The following FAM163A variants were observed in gnomAD, a reference collection of about 807,000 sequenced individuals.
FAM163A encodes the protein protein FAM163A.
In FAM163A, 7 loss-of-function variants were observed where a neutral mutation model predicts 12.0. The observed-to-expected ratio is 0.58, with a 90% confidence interval of 0.33 to 1.10. The LOEUF (loss-of-function observed/expected upper bound fraction) is 1.10. Ranked by LOEUF, FAM163A falls within the 50% of genes least tolerant of loss-of-function variation. The pLI, the probability that FAM163A is intolerant of heterozygous loss-of-function variation, is 0.03. For synonymous variants in FAM163A, 101 were observed against 91.0 expected (o/e 1.11, Z -0.62); for missense variants, 202 against 218.6 (o/e 0.92, Z 0.48).
intron 1 of FAM163A, among the ~76,000 whole-genome samples, chr1:179,797,418 C>T (rs1222793912): frequency 1.3e-5 from 2 of 151,994 alleles, no homozygotes; most frequent in Non-Finnish European, 2.9e-5. Context: ...ACTGCACTCA[C>T]GCCAGCCCAG....
At chr1:179,751,840 T>G (rs138002009) in intron 1 of FAM163A, among the ~76,000 whole-genome samples, 60 of 152,274 alleles carry the variant, frequency 3.9e-4, no homozygotes, top group African/African-American at 1.3e-3. Flanking sequence ...ACATCCTGTG[T>G]TCATAGATTG....
chr1:179,794,886 G>T (rs1456981323), intron 1 of FAM163A, among the ~76,000 whole-genome samples: 1 of 152,096 alleles, frequency 6.6e-6, no homozygotes, highest in East Asian at 1.9e-4. Flanking sequence ...AAGGAAATGG[G>T]AATTCAAAGA....
At chr1:179,776,664 T>G (rs1490198036) in intron 1 of FAM163A, among the ~76,000 whole-genome samples, 1 of 152,196 alleles carries the variant, frequency 6.6e-6, no homozygotes, top group Non-Finnish European at 1.5e-5. Context: ...CCTGGTCGAC[T>G]GTCAAATTGC....
chr1:179,737,988 G>T, the FAM163A span, among the ~76,000 whole-genome samples: 3 of 152,230 alleles, frequency 2.0e-5, no homozygotes, highest in Non-Finnish European at 1.5e-5. Flanking sequence ...ACATGGATGA[G>T]CTTGGAGGAC....
intron 1 of FAM163A, among the ~76,000 whole-genome samples, chr1:179,748,873 G>A (rs1420548139): frequency 6.6e-6 from 1 of 152,158 alleles, no homozygotes; most frequent in Non-Finnish European, 1.5e-5. Context: ...TTAGTAATTC[G>A]TCATTTACCT....
At chr1:179,811,681 C>A (rs1161082566) in intron 2 of FAM163A, among the ~76,000 whole-genome samples, 1 of 152,164 alleles carries the variant, frequency 6.6e-6, no homozygotes, top group African/African-American at 2.4e-5. Flanking sequence ...GATAAAGGCA[C>A]CCCCTTTTAC....
chr1:179,749,305 A>T (rs1384583830), intron 1 of FAM163A, among the ~76,000 whole-genome samples: 4 of 152,230 alleles, frequency 2.6e-5, no homozygotes, highest in Admixed American at 2.6e-4. Flanking sequence ...ATCACAGAAG[A>T]AGGTGGTAAC....
intron 1 of FAM163A, among the ~76,000 whole-genome samples, chr1:179,744,783 C>T (rs577646717): frequency 5.6e-4 from 85 of 152,324 alleles, no homozygotes; most frequent in African/African-American, 1.9e-3. Context: ...GGGGCCGCAG[C>T]GTGGCTGGCA....
chr1:179,728,430 C>A, the FAM163A span, among the ~76,000 whole-genome samples: 3 of 152,108 alleles, frequency 2.0e-5, no homozygotes, highest in Non-Finnish European at 4.4e-5. Context: ...CTCATTTCAG[C>A]CTGAAAGAGT....
At chr1:179,743,947 G>A (rs1224676558) in intron 1 of FAM163A, among the ~76,000 whole-genome samples, 2 of 152,218 alleles carry the variant, frequency 1.3e-5, no homozygotes, top group South Asian at 2.1e-4. Context: ...TAGGGTGGGG[G>A]CCGACCGGCG....
At chr1:179,766,435 T>C (rs1687511276) in intron 1 of FAM163A, among the ~76,000 whole-genome samples, 2 of 152,332 alleles carry the variant, frequency 1.3e-5, no homozygotes, top group South Asian at 2.1e-4. Context: ...CTCAGTCTAT[T>C]CACATTAGAT....
In FAM163A at chr1:179,813,197, C is replaced by G. The variant is rs1224475267; in HGVS notation, c.93+7C>G. 3.9e-6 allele frequency: 6 copies of G among 1,550,780 alleles called. No individual in the cohort carries two copies. Among genetic ancestry groups the G allele is most frequent in the Non-Finnish European group, 5.2e-6 (6 of 1,146,248 alleles). On this transcript the variant is annotated splice_region_variant and intron_variant, in intron 4 of 4. Coordinates refer to ENST00000341785, the MANE Select transcript of FAM163A (RefSeq NM_173509.3). ...GTGCTACTGCAGGCTCCAGGTCAGT[C>G]CCCGGGACCCGTAGCCAGAGGCTGC...
intron 1 of FAM163A, among the ~76,000 whole-genome samples, chr1:179,807,364 C>T (rs1234056868): frequency 2.6e-5 from 4 of 152,016 alleles, no homozygotes; most frequent in Non-Finnish European, 4.4e-5. Context: ...CCCGGGAAAC[C>T]GTGGGAAAGG....
chr1:179,780,791 A>C (rs1349970295), intron 1 of FAM163A, among the ~76,000 whole-genome samples: 1 of 152,236 alleles, frequency 6.6e-6, no homozygotes, highest in Non-Finnish European at 1.5e-5. Context: ...TCCTGACAAA[A>C]TAAGGTTCTT....
intron 1 of FAM163A, among the ~76,000 whole-genome samples, chr1:179,779,183 C>A (rs1486584481): frequency 6.6e-6 from 1 of 151,952 alleles, no homozygotes; most frequent in African/African-American, 2.4e-5. Context: ...TTATCTTTAC[C>A]AATATTTATA....
At chr1:179,746,061 T>G (rs1684420701) in intron 1 of FAM163A, among the ~76,000 whole-genome samples, 1 of 152,236 alleles carries the variant, frequency 6.6e-6, no homozygotes, top group Non-Finnish European at 1.5e-5. Flanking sequence ...CACAAAGGAC[T>G]AATTTCTTAT....
At chr1:179,759,419 G>A (rs149854147) in intron 1 of FAM163A, among the ~76,000 whole-genome samples, 258 of 152,218 alleles carry the variant, frequency 1.7e-3, no homozygotes, top group African/African-American at 6.1e-3. Context: ...AGAATGAAGG[G>A]AGACTGACTT....
chr1:179,760,713 C>T (rs1686694551), intron 1 of FAM163A, among the ~76,000 whole-genome samples: 1 of 152,230 alleles, frequency 6.6e-6, no homozygotes, highest in Non-Finnish European at 1.5e-5. Context: ...AAGGCAGGAG[C>T]AGAGGGGAAG....
chr1:179,731,120 C>T, the FAM163A span, among the ~76,000 whole-genome samples: 1 of 152,126 alleles, frequency 6.6e-6, no homozygotes, highest in Non-Finnish European at 1.5e-5. Flanking sequence ...AAACCTGATA[C>T]ATTTTTTGAA....
Sources: gnomAD v4.1 joint callset for allele counts (sites outside exome capture counted in the v4.1 genomes callset) on GRCh38, gnomAD v4.1.1 for gene constraint, MANE v1.5 for transcripts, NCBI Gene and HGNC (gene_info 2026-07-23, HGNC 2026-07-21) for gene names.